Variants in XKR6 observed in about 807,000 individuals in gnomAD.
XKR6 encodes XK-related protein 6.
In XKR6, 22 loss-of-function variants were observed where a neutral mutation model predicts 56.7. That is an observed-to-expected ratio of 0.39 (90% CI 0.28 to 0.55). The LOEUF is 0.55. Ranked by LOEUF, XKR6 falls within the 20% of genes least tolerant of loss-of-function variation. The probability of loss-of-function intolerance (pLI) is 0.66; values close to 1 mark genes in which losing one functional copy is unlikely to be tolerated. For missense variants in XKR6, 852 were observed against 889.0 expected (o/e 0.96, Z 0.53); for synonymous variants, 524 against 387.8 (o/e 1.35, Z -4.13).
intron 1 of XKR6, among the ~76,000 whole-genome samples, chr8:11,042,999 C>A (rs1389888293): frequency 2.0e-5 from 3 of 152,126 alleles, no homozygotes; most frequent in Non-Finnish European, 2.9e-5. Flanking sequence ...GTGGTGGACC[C>A]CAGGCTTGTG....
At chr8:10,979,442 A>T (rs999543277) in intron 1 of XKR6, among the ~76,000 whole-genome samples, 11 of 151,830 alleles carry the variant, frequency 7.2e-5, no homozygotes, top group African/African-American at 2.7e-4. Flanking sequence ...AACCCAGGCC[A>T]CCTTCCAAGG....
intron 2 of XKR6, among the ~76,000 whole-genome samples, chr8:10,909,301 C>T (rs946492011): frequency 6.6e-6 from 1 of 152,200 alleles, no homozygotes; most frequent in Admixed American, 6.5e-5. Context: ...CTTCCAAAAC[C>T]ATGAGCCAAA....
chr8:11,039,822 A>T (rs1245195701), intron 1 of XKR6, among the ~76,000 whole-genome samples: 1 of 152,248 alleles, frequency 6.6e-6, no homozygotes. Context: ...TGACAAGCAC[A>T]GGGAAGCAGC....
intron 1 of XKR6, among the ~76,000 whole-genome samples, chr8:10,968,468 C>T (rs1004608667): frequency 4.6e-5 from 7 of 152,250 alleles, no homozygotes; most frequent in South Asian, 2.1e-4. Context: ...TGGCCCCCTT[C>T]GGTTGAGTTG....
intron 1 of XKR6, among the ~76,000 whole-genome samples, chr8:11,157,039 G>C (rs1187302408): frequency 1.3e-5 from 2 of 152,202 alleles, no homozygotes; most frequent in Admixed American, 1.3e-4. Flanking sequence ...GAGGTCATGA[G>C]AGGGCACTTC....
chr8:11,065,101 A>G (rs994158215), intron 1 of XKR6, among the ~76,000 whole-genome samples: 5 of 152,216 alleles, frequency 3.3e-5, no homozygotes, highest in Non-Finnish European at 7.3e-5. Context: ...GCTAAATGGG[A>G]TATGTGTGTG....
rs558779904 is a variant in XKR6, at chr8:10,924,797, G to A, written c.798C>T (p.Ser266=). 3.2e-5 allele frequency: 51 copies of A among 1,614,016 alleles called. No homozygotes were observed. In the South Asian group the frequency reaches 5.3e-4, roughly 17 times the overall value. Residue 266 remains serine (S), a synonymous_variant, in exon 2 of 3, where the codon AGC becomes AGT. Transcript: ENST00000416569. ...GTCGCTGGTGTTCCTTCCGCCGCTG[G>A]CTCTGAATCCCCAGGTACATGGTGC... ...YIRTMYLGIQ[S]QRRKEHQRRF...
intron 1 of XKR6, among the ~76,000 whole-genome samples, chr8:11,098,909 A>G (rs543685061): frequency 3.0e-4 from 45 of 149,912 alleles, no homozygotes; most frequent in South Asian, 1.7e-3. Context: ...TCCCCCATGG[A>G]AAAAAAAATG....
intron 1 of XKR6, among the ~76,000 whole-genome samples, chr8:10,995,495 T>TATACAC (rs1798090327): frequency 6.8e-6 from 1 of 147,514 alleles, no homozygotes; most frequent in Admixed American, 6.8e-5. Flanking sequence ...CATATATATA[T>TATACAC]ATATACACAC....
rs112396174 is a variant in XKR6 at position 11,000,531 on chromosome 8, A to T, written c.765-75701T>A. ...TGAAACCCCCGTCTACTAAAAATGC[A>T]AAAATTAGCCAGGCACAGTGGCACA... On this transcript the variant is annotated intron_variant, in intron 1 of 2. Transcript: ENST00000416569. 7.9e-5 allele frequency among the ~76,000 whole-genome samples: 12 copies of T among 152,212 alleles called. 1 individual carries two copies. The highest frequency in any genetic ancestry group is 2.6e-4 in the African/African-American group (11 of 41,526).
At chr8:11,030,618 C>A (rs1456252649) in intron 1 of XKR6, among the ~76,000 whole-genome samples, 3 of 152,164 alleles carry the variant, frequency 2.0e-5, no homozygotes, top group Admixed American at 1.3e-4. Context: ...TCAGGTCCCA[C>A]AAGTGACAGG....
intron 1 of XKR6, among the ~76,000 whole-genome samples, chr8:11,084,116 T>C (rs1372965659): frequency 2.6e-5 from 4 of 152,256 alleles, no homozygotes; most frequent in Non-Finnish European, 1.5e-5. Flanking sequence ...TCCACAATGA[T>C]ACACTAAGTT....
chr8:11,105,603 G>C (rs1208937852), intron 1 of XKR6: 1 of 152,212 alleles, frequency 6.6e-6, no homozygotes, highest in South Asian at 2.1e-4. Flanking sequence ...TTAGATCATC[G>C]TATTGATACG....
intron 1 of XKR6, among the ~76,000 whole-genome samples, chr8:10,971,229 G>A (rs963733083): frequency 1.3e-5 from 2 of 151,930 alleles, no homozygotes; most frequent in Middle Eastern, 3.4e-3. Context: ...AGATCATCCT[G>A]GCTAACACGG....
At chr8:10,900,537 G>A (rs1800006270) in intron 2 of XKR6, among the ~76,000 whole-genome samples, 1 of 152,232 alleles carries the variant, frequency 6.6e-6, no homozygotes, top group South Asian at 2.1e-4. Context: ...CTCTTTCATA[G>A]TAATAACAAC....
At chr8:11,004,539 G>A (rs1171751686) in intron 1 of XKR6, among the ~76,000 whole-genome samples, 1 of 152,052 alleles carries the variant, frequency 6.6e-6, no homozygotes, top group Non-Finnish European at 1.5e-5. Flanking sequence ...TTGACCAGGT[G>A]GTTTATTATC....
rs62490739 is a variant in XKR6 at position 11,026,817 on chromosome 8, T to C, written c.765-101987A>G. Among the ~76,000 whole-genome samples the C allele has an allele frequency of 3.3e-3, 495 of 151,940 alleles. 5 individuals carry two copies. Among genetic ancestry groups the C allele is most frequent in the Admixed American group, 3.9e-3 (60 of 15,284 alleles). ...TGGTCTAGGCTACTACACCCTTAGA[T>C]GGTCTAGCCTACTACACACCTAGAT... On this transcript the variant is annotated intron_variant, in intron 1 of 2. Transcript: ENST00000416569.
At chr8:11,040,402 C>A (rs1284747159) in intron 1 of XKR6, among the ~76,000 whole-genome samples, 1 of 151,654 alleles carries the variant, frequency 6.6e-6, no homozygotes, top group Non-Finnish European at 1.5e-5. Flanking sequence ...CAGGGTGGCA[C>A]CCACCTGTAG....
rs1460959471 is a variant in XKR6, at chr8:11,200,693, G to T, written c.647C>A (p.Ala216Asp). The change falls in exon 1 of 3, where the codon GCC becomes GAC. Residue 216 changes from alanine (A) to aspartate (D), a missense_variant. Coordinates refer to ENST00000416569, the MANE Select transcript of XKR6 (RefSeq NM_173683.4). The surrounding 1 kb of genome is among the most constrained non-coding windows in gnomAD (Gnocchi z 6.4). ...MMGAGYVHGA[A>D]RGGPGVRVSP... ...GACCCTCACGCCTGGGCCACCGCGG[G>T]CCGCGCCGTGGACGTAGCCGGCCCC... 21 of 1,570,782 alleles carry T rather than the reference G, an allele frequency of 1.3e-5. No individual in the cohort carries two copies. The highest frequency in any genetic ancestry group is 1.8e-5 in the Non-Finnish European group (21 of 1,166,838).
Sources: gnomAD v4.1 joint callset for allele counts (sites outside exome capture counted in the v4.1 genomes callset) on GRCh38, gnomAD v4.1.1 for gene constraint, Gnocchi (gnomAD v3.1) non-coding constraint, MANE v1.5 for transcripts, NCBI Gene and HGNC (gene_info 2026-07-23, HGNC 2026-07-21) for gene names.